ACVR1: variants seen among roughly 807,000 people sequenced by gnomAD.
ACVR1 encodes the protein activin A receptor type 1.
A neutral mutation model predicts 57.1 loss-of-function variants in ACVR1; 38 were observed. The observed-to-expected ratio is 0.67, with a 90% CI of 0.51 to 0.87. The LOEUF is 0.87. ACVR1 is among the 40% of genes least tolerant of loss of function. The pLI is 0.00. For missense variants in ACVR1, 463 were observed against 638.2 expected (o/e 0.73, Z 2.96); for synonymous variants, 212 against 228.1 (o/e 0.93, Z 0.63).
At chr2:157,836,134 C>A (rs56244063) in intron 1 of ACVR1, among the ~76,000 whole-genome samples, 1 of 152,254 alleles carries the variant, frequency 6.6e-6, no homozygotes, top group South Asian at 2.1e-4. Context: ...CATTCAATAT[C>A]TAATATTCAT....
Position 157,737,432 on chromosome 2 carries a change from A to G in ACVR1, c.*99T>C. The G allele has an allele frequency of 1.4e-6, 2 of 1,474,402 alleles. No homozygotes were observed. Among genetic ancestry groups the G allele is most frequent in the Admixed American group, 1.9e-5 (1 of 53,836 alleles). The allele number at this position is 1,474,402 out of a possible 1,614,324, so 91.3% of individuals were successfully genotyped here. A position where few individuals can be genotyped will look rare whatever the true frequency, so the allele number is the denominator to read the frequency against. Reference sequence around the variant, plus strand: ...TCAAAGCAGCCATTTGGGGAGGGAGACAGATGGATTCCATTCTGACAACCA... The same window carrying G: ...TCAAAGCAGCCATTTGGGGAGGGAGGCAGATGGATTCCATTCTGACAACCA... On this transcript the variant is annotated 3_prime_UTR_variant, in exon 11 of 11. Coordinates refer to ENST00000434821, the MANE Select transcript of ACVR1 (RefSeq NM_001111067.4).
At chr2:157,847,616 T>C (rs1241693997) in intron 1 of ACVR1, among the ~76,000 whole-genome samples, 1 of 152,234 alleles carries the variant, frequency 6.6e-6, no homozygotes, top group East Asian at 1.9e-4. Context: ...TCAAAAAACC[T>C]ACCTGCTATG....
intron 6 of ACVR1, among the ~76,000 whole-genome samples, chr2:157,773,822 T>G (rs1686164058): frequency 1.3e-5 from 2 of 152,196 alleles, no homozygotes; most frequent in African/African-American, 4.8e-5. Flanking sequence ...TTTTTGGGCA[T>G]TCTCTCATCA....
chr2:157,844,871 T>A (rs1184278077), intron 1 of ACVR1, among the ~76,000 whole-genome samples: 1 of 152,148 alleles, frequency 6.6e-6, no homozygotes, highest in Non-Finnish European at 1.5e-5. Flanking sequence ...GGGCCCCCCC[T>A]TCCACCATGT....
chr2:157,766,714 T>C (rs1685874664), intron 7 of ACVR1, among the ~76,000 whole-genome samples: 1 of 152,130 alleles, frequency 6.6e-6, no homozygotes, highest in African/African-American at 2.4e-5. Context: ...GATTGACTGA[T>C]TCACGAAATA....
chr2:157,759,393 C>T (rs1685555781), intron 9 of ACVR1, among the ~76,000 whole-genome samples: 1 of 151,938 alleles, frequency 6.6e-6, no homozygotes, highest in South Asian at 2.1e-4. Flanking sequence ...ATATAATCTA[C>T]CAAGATGGAA....
chr2:157,746,207 A>G (rs1452618969), intron 9 of ACVR1, among the ~76,000 whole-genome samples: 1 of 152,238 alleles, frequency 6.6e-6, no homozygotes, highest in African/African-American at 2.4e-5. Context: ...GGTGGCCTTC[A>G]TCACCCATTT....
At chr2:157,785,311 T>A (rs565150487) in intron 3 of ACVR1, among the ~76,000 whole-genome samples, 166 of 152,360 alleles carry the variant, frequency 1.1e-3, no homozygotes, top group Non-Finnish European at 2.0e-3. Context: ...CTTCCAACAC[T>A]CTAAACAATT....
intron 1 of ACVR1, among the ~76,000 whole-genome samples, chr2:157,837,316 G>A (rs1337162213): frequency 6.6e-6 from 1 of 152,080 alleles, no homozygotes; most frequent in African/African-American, 2.4e-5. Flanking sequence ...TGACCATGAG[G>A]CAGTAAGTTC....
chr2:157,751,174 C>T (rs1685178190), intron 9 of ACVR1, among the ~76,000 whole-genome samples: 1 of 152,222 alleles, frequency 6.6e-6, no homozygotes, highest in Non-Finnish European at 1.5e-5. Context: ...CACCCCCAAA[C>T]ACACACCCTC....
chr2:157,743,761 CAT>C (rs1269904425), intron 9 of ACVR1, among the ~76,000 whole-genome samples: 3 of 151,586 alleles, frequency 2.0e-5, no homozygotes, highest in African/African-American at 7.3e-5. Flanking sequence ...TTGACTATCA[CAT>C]GAGTTCAGGT....
chr2:157,841,530 T>A (rs2105355662), intron 1 of ACVR1, among the ~76,000 whole-genome samples: 1 of 152,266 alleles, frequency 6.6e-6, no homozygotes, highest in South Asian at 2.1e-4. Context: ...CAGGACTTAC[T>A]TAAACTTACA....
chr2:157,790,959 T>C (rs866937774), intron 3 of ACVR1, among the ~76,000 whole-genome samples: 27 of 152,350 alleles, frequency 1.8e-4, no homozygotes, highest in Middle Eastern at 6.8e-3. Flanking sequence ...TCTCATGACA[T>C]GGTGACCGCT....
intron 1 of ACVR1, among the ~76,000 whole-genome samples, chr2:157,855,269 A>AGTGTGTGT (rs532193935): frequency 1.2e-4 from 10 of 85,178 alleles, no homozygotes; most frequent in East Asian, 4.7e-4. Flanking sequence ...AAAAAAAAAA[A>AGTGTGTGT]GTGTGTGTGT....
intron 1 of ACVR1, among the ~76,000 whole-genome samples, chr2:157,835,654 C>A (rs1688757163): frequency 6.6e-6 from 1 of 152,168 alleles, no homozygotes; most frequent in African/African-American, 2.4e-5. Context: ...GTCAAAATTT[C>A]TTTACCTCAA....
At chr2:157,859,415 C>T (rs904327237) in intron 1 of ACVR1, among the ~76,000 whole-genome samples, 1 of 152,220 alleles carries the variant, frequency 6.6e-6, no homozygotes, top group African/African-American at 2.4e-5. Context: ...AAATGGGCAA[C>T]CAGCAGCCCT....
At chr2:157,839,230 T>C (rs1233437011) in intron 1 of ACVR1, among the ~76,000 whole-genome samples, 4 of 152,080 alleles carry the variant, frequency 2.6e-5, no homozygotes, top group African/African-American at 9.6e-5. Flanking sequence ...ACAGTGGGAG[T>C]CTTGAGTAAG....
chr2:157,820,891 C>T (rs1007685390), intron 1 of ACVR1, among the ~76,000 whole-genome samples: 3 of 152,102 alleles, frequency 2.0e-5, no homozygotes, highest in Admixed American at 1.3e-4. Flanking sequence ...TTAGCATATA[C>T]TTGGTACTCA....
At chr2:157,856,379 C>T (rs1445573278) in intron 1 of ACVR1, among the ~76,000 whole-genome samples, 1 of 152,172 alleles carries the variant, frequency 6.6e-6, no homozygotes, top group Non-Finnish European at 1.5e-5. Context: ...CTTGCTGATC[C>T]CAGTTCTGTA....
Sources: allele counts gnomAD v4.1 joint callset (sites outside exome capture counted in the v4.1 genomes callset), GRCh38; gene constraint gnomAD v4.1.1; transcripts MANE v1.5; gene names NCBI Gene and HGNC (gene_info 2026-07-23, HGNC 2026-07-21).